Variants in EPS8L3 observed in about 807,000 individuals in gnomAD.
EPS8L3 encodes epidermal growth factor receptor kinase substrate 8-like protein 3.
EPS8L3 carries 80 observed loss-of-function variants against 88.5 expected under a neutral mutation model. The ratio of observed to expected loss-of-function variants is 0.90; its 90% CI spans 0.75 to 1.09. The LOEUF (loss-of-function observed/expected upper bound fraction) is 1.09. EPS8L3 is among the 50% of genes least tolerant of loss of function. EPS8L3 has a pLI of 0.00. For synonymous variants in EPS8L3, 286 were observed against 291.0 expected, an observed-to-expected ratio of 0.98 and a Z score of 0.18; for missense variants, 721 against 735.2, an observed-to-expected ratio of 0.98 and a Z score of 0.22.
In EPS8L3 at chr1:109,753,257, T is replaced by C. The variant is rs566400007; in HGVS notation, c.1119-59A>G. 4.2e-6 allele frequency: 6 copies of C among 1,431,332 alleles called. No individual in the cohort carries two copies. The Admixed American group carries it at 8.0e-5, about 19-fold the overall frequency. The allele number at this position is 1,431,332 out of a possible 1,614,324, so 88.7% of individuals were successfully genotyped here. A position where few individuals can be genotyped will look rare whatever the true frequency, so the allele number is the denominator to read the frequency against. ...CTCTGTGAACTCTGATGCCAGGCTG[T>C]GGGACGCGGACAGGGAGGGGACGAC... On this transcript the variant is annotated intron_variant, in intron 12 of 18. Coordinates refer to ENST00000361965, the MANE Select transcript of EPS8L3 (RefSeq NM_133181.4).
chr1:109,753,638 A>T (rs762423259), intron 12 of EPS8L3, among the ~76,000 whole-genome samples: 2 of 152,176 alleles, frequency 1.3e-5, no homozygotes, highest in South Asian at 2.1e-4. Context: ...ATTTCCACCC[A>T]GTGAAGTAGA....
Position 109,759,174 on chromosome 1 carries a change from TGTG to T in EPS8L3, c.406-60_406-58del. The T allele has an allele frequency of 1.9e-6, 3 of 1,562,214 alleles. No homozygotes were observed. In the Admixed American group the frequency reaches 5.0e-5, roughly 26 times the overall value. ...GTGTGTGTGTGTGTGTGTGTGTGTGTGTGTGTGTGGTGGGGTGATGGTCGATGA... is the reference window on the plus strand; with the variant it reads ...GTGTGTGTGTGTGTGTGTGTGTGTGTTGTGTGGTGGGGTGATGGTCGATGA... On this transcript the variant is annotated intron_variant, in intron 5 of 18. Coordinates refer to ENST00000361965, the MANE Select transcript of EPS8L3 (RefSeq NM_133181.4). The surrounding 1 kb of genome is among the most constrained non-coding windows in gnomAD (Gnocchi z 4.2).
In EPS8L3 at chr1:109,750,643, C is replaced by A. The variant is rs745649074; in HGVS notation, c.1770+17G>T. 1.2e-6 allele frequency: 2 copies of A among 1,614,046 alleles called. No homozygotes were observed. The highest frequency in any genetic ancestry group is 1.7e-6 in the Non-Finnish European group (2 of 1,179,968). On this transcript the variant is annotated intron_variant, in intron 18 of 18. Transcript: ENST00000361965. ...CAGACACTCCCAATGGTTGTCAGGACCCCAGGGTGTCCTCACCCCCAGCAT... is the reference window on the plus strand; with the variant it reads ...CAGACACTCCCAATGGTTGTCAGGAACCCAGGGTGTCCTCACCCCCAGCAT...
rs574079279 is a variant in EPS8L3, at chr1:109,758,580, C to T, written c.545G>A (p.Arg182His). 1.9e-5 allele frequency: 30 copies of T among 1,613,364 alleles called. No homozygotes were observed. In the Middle Eastern group the frequency reaches 6.6e-4, roughly 36 times the overall value. ...TGGAGGGATCCCCGGCTCCAGATAG[C>T]GTGCCTGCTCCATAGGGAGCGGCCT... ...MERPLPMEQA[R>H]YLEPGIPPEQ... The change falls in exon 7 of 19, where the codon CGC becomes CAC. Residue 182 changes from arginine to histidine, a missense_variant. Arg to His is a conservative substitution (Grantham distance 29, BLOSUM62 0). Coordinates refer to ENST00000361965, the MANE Select transcript of EPS8L3 (RefSeq NM_133181.4).
intron 3 of EPS8L3, among the ~76,000 whole-genome samples, chr1:109,760,782 C>T (rs553701301): frequency 1.3e-5 from 2 of 152,220 alleles, no homozygotes; most frequent in Admixed American, 1.3e-4. Flanking sequence ...TCCATTGGAG[C>T]CACTAACAAG....
intron 18 of EPS8L3, 62 bp downstream of exon 18, chr1:109,750,596 CCT>C: frequency 6.2e-7 from 1 of 1,608,400 alleles, no homozygotes; most frequent in Non-Finnish European, 8.5e-7. Flanking sequence ...TCCAACTGGC[CCT>C]CTCTCTCACC....
chr1:109,759,573 G>T lies in EPS8L3; in HGVS notation c.255+105C>A. The T allele has an allele frequency of 1.3e-6, 2 of 1,496,612 alleles. No individual in the cohort carries two copies. The highest frequency in any genetic ancestry group is 9.0e-7 in the Non-Finnish European group (1 of 1,111,502). 92.7% of individuals were successfully genotyped at this position (1,496,612 alleles called of 1,614,324 possible). A position where few individuals can be genotyped will look rare whatever the true frequency, so the allele number is the denominator to read the frequency against. ...TAGGCTTGGGTGTGTGTTGTATGTG[G>T]GGAGAGTGGCTGCCCTTTGGGGCAT... On this transcript the variant is annotated intron_variant, in intron 4 of 18. Transcript: ENST00000361965. The surrounding 1 kb of genome is among the most constrained non-coding windows in gnomAD (Gnocchi z 4.2).
chr1:109,759,547 C>T lies in EPS8L3; in HGVS notation c.255+131G>A, dbSNP rs1650687136. ...CCCAGCCTCTGTCCCCTGTCTCTTC[C>T]TAGGCTTGGGTGTGTGTTGTATGTG... On this transcript the variant is annotated intron_variant, in intron 4 of 18. Coordinates refer to ENST00000361965, the MANE Select transcript of EPS8L3 (RefSeq NM_133181.4). This position sits in a 1 kb window ranked among gnomAD's most constrained non-coding sequence, Gnocchi z 4.2. 2 of 1,484,298 alleles carry T rather than the reference C, an allele frequency of 1.3e-6. No individual in the cohort carries two copies. Among genetic ancestry groups the T allele is most frequent in the Admixed American group, 2.1e-5 (1 of 47,094 alleles). 91.9% of individuals were successfully genotyped at this position (1,484,298 alleles called of 1,614,324 possible). A position where few individuals can be genotyped will look rare whatever the true frequency, so the allele number is the denominator to read the frequency against.
intron 15 of EPS8L3, 54 bp from the exon 16 acceptor site, chr1:109,751,836 T>A (rs200413966): frequency 1.3e-4 from 208 of 1,607,092 alleles, no homozygotes; most frequent in Non-Finnish European, 1.7e-4. Context: ...CAGCCTTCCC[T>A]CCCCACACAA....
chr1:109,752,179 C>T lies in EPS8L3; in HGVS notation c.1250G>A (p.Arg417Lys). 2 of 1,612,630 alleles carry T rather than the reference C, an allele frequency of 1.2e-6. No individual in the cohort carries two copies. The highest frequency in any genetic ancestry group is 1.7e-6 in the Non-Finnish European group (2 of 1,179,040). The change falls in exon 15 of 19, where the codon AGG (arginine) becomes AAG (lysine). Residue 417 changes from arginine to lysine, a missense_variant. Coordinates refer to ENST00000361965, the MANE Select transcript of EPS8L3 (RefSeq NM_133181.4). ...AGGAAAGTGTGAGGTGCTCCCTAAC[C>T]TATGACTTCCCCGCCTAAGAAACAG... ...DPVSLRRGSH[R>K]LGSTSHFPQE...
chr1:109,751,149 C>T, intron 17 of EPS8L3, 129 bp downstream of exon 17: 3 of 793,168 alleles, frequency 3.8e-6, no homozygotes, highest in Non-Finnish European at 6.1e-6. Flanking sequence ...TCCTCTAACT[C>T]AGCAGAGACG....
chr1:109,758,255 G>A, intron 8 of EPS8L3, 61 bp downstream of exon 8: 1 of 1,484,012 alleles, frequency 6.7e-7, no homozygotes, highest in Non-Finnish European at 9.4e-7. Context: ...AGGGAGGGTT[G>A]GTGTCCTTCC....
At position 109,757,785 on chromosome 1, in the gene EPS8L3, T is replaced by A. The variant is rs771066569; in HGVS notation, c.894+17A>T. The A allele has an allele frequency of 2.5e-6, 4 of 1,612,214 alleles. No individual in the cohort carries two copies. The stretch of plus-strand genomic sequence containing the variant: ...GGGAAGAGGAGAGGCCTGGTGAACT[T>A]GTGGGGAGCCACCTACCAGGAGGTT... On this transcript the variant is annotated intron_variant, in intron 10 of 18. Coordinates refer to ENST00000361965, the MANE Select transcript of EPS8L3 (RefSeq NM_133181.4).
chr1:109,756,413 T>C (rs985406177), intron 12 of EPS8L3, among the ~76,000 whole-genome samples: 4 of 152,186 alleles, frequency 2.6e-5, no homozygotes, highest in African/African-American at 9.7e-5. Flanking sequence ...TAATTTTGTA[T>C]ATTTAGAAGA....
chr1:109,752,380 T>G lies in EPS8L3; in HGVS notation c.1236-187A>C, dbSNP rs1649882792. 4.4e-5 allele frequency: 28 copies of G among 631,188 alleles called. No homozygotes were observed. The South Asian group carries it at 5.5e-4, about 12-fold the overall frequency. 39.1% of individuals were successfully genotyped at this position (631,188 alleles called of 1,614,324 possible). A position where few individuals can be genotyped will look rare whatever the true frequency, so the allele number is the denominator to read the frequency against. On this transcript the variant is annotated intron_variant, in intron 14 of 18. Coordinates refer to ENST00000361965, the MANE Select transcript of EPS8L3 (RefSeq NM_133181.4). The stretch of plus-strand genomic sequence containing the variant: ...CAGGCAGGAGGGGTCTGAAATGTCA[T>G]TGATTTCTGAAGACATTTCCGGGAG...
At chr1:109,762,242 G>A (rs1651055883) in intron 1 of EPS8L3, among the ~76,000 whole-genome samples, 1 of 152,206 alleles carries the variant, frequency 6.6e-6, no homozygotes, top group South Asian at 2.1e-4. Context: ...CGCTGATGCT[G>A]GCTCTTCAGC....
In EPS8L3 at chr1:109,757,979, T is replaced by C; in HGVS notation, c.797A>G (p.Lys266Arg). Residue 266 changes from lysine to arginine, a missense_variant, in exon 9 of 19, where the codon AAG (lysine) becomes AGG (arginine). Coordinates refer to ENST00000361965, the MANE Select transcript of EPS8L3 (RefSeq NM_133181.4). ...CTTGTTTTTTTTCCCAAATTTCTTC[T>C]TCCTGCTGGTCTTTGCCTGGGCCTT... is the stretch of plus-strand genomic sequence containing the variant. ...LEKAQAKTSRKKKFGKKNKDQ... is the reference protein window; with the variant it reads ...LEKAQAKTSRRKKFGKKNKDQ... 6.2e-7 allele frequency: 1 copy of C among 1,614,216 alleles called. No individual in the cohort carries two copies. Among genetic ancestry groups the C allele is most frequent in the Non-Finnish European group, 8.5e-7 (1 of 1,180,024 alleles).
chr1:109,758,504 C>G lies in EPS8L3; in HGVS notation c.601+20G>C. ...TCATCGAAACCCTCTCCTTCACCTGCCCCCATGCCCCAAACTTACTGTGCT... is the reference window on the plus strand; with the variant it reads ...TCATCGAAACCCTCTCCTTCACCTGGCCCCATGCCCCAAACTTACTGTGCT... On this transcript the variant is annotated intron_variant, in intron 7 of 18. Transcript: ENST00000361965. 6.4e-7 allele frequency: 1 copy of G among 1,560,770 alleles called. No individual in the cohort carries two copies. Among genetic ancestry groups the G allele is most frequent in the Non-Finnish European group, 8.7e-7 (1 of 1,154,186 alleles).
At position 109,761,404 on chromosome 1, in the gene EPS8L3, G is replaced by T. The variant is rs934843756; in HGVS notation, c.96+91C>A. On this transcript the variant is annotated intron_variant, in intron 3 of 18. Transcript: ENST00000361965. ...CTGTTGGCTTCTGGGGCAGGGACTT[G>T]TGTGAAGTGTCCATGTTCTGGCAGG... 8.7e-6 allele frequency: 10 copies of T among 1,151,390 alleles called. No homozygotes were observed. In the Admixed American group the frequency reaches 1.5e-4, roughly 17 times the overall value. 71.3% of individuals were successfully genotyped at this position (1,151,390 alleles called of 1,614,324 possible). A position where few individuals can be genotyped will look rare whatever the true frequency, so the allele number is the denominator to read the frequency against.
Sources: allele counts gnomAD v4.1 joint callset (sites outside exome capture counted in the v4.1 genomes callset), GRCh38; gene constraint gnomAD v4.1.1; non-coding constraint Gnocchi (gnomAD v3.1); transcripts MANE v1.5; gene names NCBI Gene and HGNC (gene_info 2026-07-23, HGNC 2026-07-21).